The following STIM1 variants were observed in gnomAD, a reference collection of about 807,000 sequenced individuals.
The protein encoded by STIM1 is stromal interaction molecule 1.
A neutral mutation model predicts 74.7 loss-of-function variants in STIM1; 25 were observed. That is an observed-to-expected ratio of 0.33 (90% confidence interval 0.24 to 0.47). STIM1 has a LOEUF of 0.47. Among genes scored for constraint, STIM1 ranks in the 20% least tolerant of loss-of-function variants. The pLI, the probability that STIM1 is intolerant of heterozygous loss-of-function variation, is 1.00. For synonymous variants in STIM1, 328 were observed against 348.8 expected (o/e 0.94, Z 0.66); for missense variants, 728 against 920.8 (o/e 0.79, Z 2.71).
At chr11:3,888,590 T>C (rs935384793) in intron 1 of STIM1, among the ~76,000 whole-genome samples, 6 of 152,148 alleles carry the variant, frequency 3.9e-5, no homozygotes, top group African/African-American at 1.4e-4. Context: ...CAGGCTAGTG[T>C]GCAGTGGTGT....
At chr11:4,005,810 T>G (rs2959081) in intron 2 of STIM1, among the ~76,000 whole-genome samples, 2 of 151,872 alleles carry the variant, frequency 1.3e-5, no homozygotes, top group Admixed American at 1.3e-4. Context: ...CAAAGATAAG[T>G]GAGAAATGAC....
At chr11:4,036,777 T>A (rs2094106610) in intron 3 of STIM1, among the ~76,000 whole-genome samples, 1 of 152,212 alleles carries the variant, frequency 6.6e-6, no homozygotes, top group South Asian at 2.1e-4. Context: ...ATGGATAGAT[T>A]GCAAACATTT....
intron 2 of STIM1, among the ~76,000 whole-genome samples, chr11:4,006,284 C>T (rs563746583): frequency 2.6e-5 from 4 of 152,166 alleles, no homozygotes; most frequent in Non-Finnish European, 5.9e-5. Context: ...CACCTTCTGC[C>T]TTGATTGTAA....
chr11:4,001,460 C>A (rs996695377), intron 2 of STIM1, among the ~76,000 whole-genome samples: 5 of 152,158 alleles, frequency 3.3e-5, no homozygotes, highest in South Asian at 2.1e-4. Context: ...GAATTTTCAA[C>A]CCAGAATTTC....
Position 4,092,739 on chromosome 11 carries a change from T to A in STIM1, c.*941T>A, listed in dbSNP as rs1050572429. ...AGTTGTTGGGCAAGGATGCTGTCAT[T>A]TTTTGAACCAAAAGACAAACAGGTT... is the stretch of plus-strand genomic sequence containing the variant. On this transcript the variant is annotated 3_prime_UTR_variant, in exon 13 of 13. Transcript: ENST00000526596. 2.0e-5 allele frequency: 3 copies of A among 152,194 alleles called. No homozygotes were observed. Among genetic ancestry groups the A allele is most frequent in the African/African-American group, 7.2e-5 (3 of 41,434 alleles). 9.4% of individuals were successfully genotyped at this position (152,194 alleles called of 1,614,324 possible).
chr11:3,951,899 AGT>A (rs1347680366), intron 1 of STIM1, among the ~76,000 whole-genome samples: 1 of 152,010 alleles, frequency 6.6e-6, no homozygotes, highest in African/African-American at 2.4e-5. Flanking sequence ...CTTTTGAACA[AGT>A]GTGTGTTGGT....
chr11:3,953,963 T>C lies in STIM1; in HGVS notation c.140-13589T>C, dbSNP rs372327824. On this transcript the variant is annotated intron_variant, in intron 1 of 12. Coordinates refer to ENST00000526596, the MANE Select transcript of STIM1 (RefSeq NM_001382567.1). The stretch of plus-strand genomic sequence containing the variant: ...ACTCCCAGCTAATTTTTGTATTTTT[T>C]ACAGAGATGGAGTTTCCCTATATTG... 1.3e-4 allele frequency among the ~76,000 whole-genome samples: 20 copies of C among 152,046 alleles called. No homozygotes were observed. In the East Asian group the frequency reaches 3.5e-3, roughly 26 times the overall value.
At chr11:4,035,266 G>GTTTT (rs55788240) in intron 3 of STIM1, among the ~76,000 whole-genome samples, 1 of 136,620 alleles carries the variant, frequency 7.3e-6, no homozygotes, top group Non-Finnish European at 1.6e-5. Context: ...GGTGTATTGT[G>GTTTT]TTTTTTTTTT....
intron 1 of STIM1, among the ~76,000 whole-genome samples, chr11:3,948,824 T>A (rs992517979): frequency 2.0e-5 from 3 of 152,158 alleles, no homozygotes; most frequent in African/African-American, 7.2e-5. Context: ...CAACCTTAGA[T>A]CCCTTAATTC....
intron 1 of STIM1, chr11:3,903,413 C>T (rs1399089233): frequency 6.6e-6 from 1 of 152,212 alleles, no homozygotes; most frequent in South Asian, 2.1e-4. Flanking sequence ...TAGCAACCAT[C>T]CCAGTTGCTT....
chr11:4,035,851 C>CTTTTTTTTTTTTTTTTTTT (rs35310625), intron 3 of STIM1, among the ~76,000 whole-genome samples: 1 of 123,314 alleles, frequency 8.1e-6, no homozygotes, highest in Non-Finnish European at 1.7e-5. Flanking sequence ...TGTTGTTTTG[C>CTTTTTTTTTTTTTTTTTTT]TTTTTTTTTT....
At chr11:3,989,396 G>A (rs2135838079) in intron 2 of STIM1, 5 of 759,132 alleles carry the variant, frequency 6.6e-6, no homozygotes, top group East Asian at 2.5e-5. Flanking sequence ...GCAGACAACC[G>A]CGCCGATCTC....
intron 2 of STIM1, among the ~76,000 whole-genome samples, chr11:3,975,625 A>G (rs912964464): frequency 2.6e-5 from 4 of 151,760 alleles, no homozygotes; most frequent in Non-Finnish European, 4.4e-5. Flanking sequence ...CTCAAAAAAA[A>G]GAAGAAGAAG....
At chr11:4,068,933 CCAAGGAT>C (rs1191220665) in intron 5 of STIM1, among the ~76,000 whole-genome samples, 1 of 152,248 alleles carries the variant, frequency 6.6e-6, no homozygotes, top group African/African-American at 2.4e-5. Context: ...CTTACTATGT[CCAAGGAT>C]CATGCCAGTC....
chr11:3,882,692 T>C (rs923757603), intron 1 of STIM1, among the ~76,000 whole-genome samples: 17 of 152,244 alleles, frequency 1.1e-4, no homozygotes, highest in African/African-American at 4.1e-4. Context: ...TGCTAGGTTA[T>C]ATGGTAATTC....
intron 2 of STIM1, among the ~76,000 whole-genome samples, chr11:4,004,611 T>G (rs1277620455): frequency 6.6e-6 from 1 of 151,070 alleles, no homozygotes. Flanking sequence ...ACTTAAACGT[T>G]AGACCTAAAA....
At chr11:3,897,243 CT>C (rs200166728) in intron 1 of STIM1, among the ~76,000 whole-genome samples, 1,846 of 152,286 alleles carry the variant, frequency 0.012, 25 homozygotes, top group South Asian at 0.035. Context: ...AAAGCCAGCT[CT>C]GGTGAGTTGC....
At chr11:4,077,863 T>G (rs560457428) in intron 7 of STIM1, among the ~76,000 whole-genome samples, 44 of 152,342 alleles carry the variant, frequency 2.9e-4, no homozygotes, top group Admixed American at 2.7e-3. Flanking sequence ...GAATATCCAC[T>G]TTACTCTTTT....
At chr11:4,080,841 T>G (rs532413633) in intron 7 of STIM1, among the ~76,000 whole-genome samples, 5 of 152,326 alleles carry the variant, frequency 3.3e-5, no homozygotes, top group African/African-American at 1.2e-4. Context: ...TTGCTCTCTT[T>G]TTTTCTCTTC....
Sources: allele counts gnomAD v4.1 joint callset (sites outside exome capture counted in the v4.1 genomes callset), GRCh38; gene constraint gnomAD v4.1.1; transcripts MANE v1.5; gene names NCBI Gene and HGNC (gene_info 2026-07-23, HGNC 2026-07-21).